Variants in CFAP77 observed in about 807,000 individuals in gnomAD.
CFAP77 encodes cilia- and flagella-associated protein 77.
Under a neutral mutation model 31.1 loss-of-function variants are expected in CFAP77, and 25 were observed. The ratio of observed to expected loss-of-function variants is 0.80; its 90% CI spans 0.59 to 1.12. The LOEUF is 1.12. Ranked by LOEUF, CFAP77 falls within the 50% of genes most tolerant of loss-of-function variation. The pLI is 0.00. For missense variants in CFAP77, 377 were observed against 397.3 expected, an observed-to-expected ratio of 0.95 and a Z score of 0.44; for synonymous variants, 151 against 159.9, an observed-to-expected ratio of 0.94 and a Z score of 0.42.
At chr9:132,475,419 G>T (rs1366870668) in intron 1 of CFAP77, among the ~76,000 whole-genome samples, 1 of 152,178 alleles carries the variant, frequency 6.6e-6, no homozygotes, top group African/African-American at 2.4e-5. Context: ...CTGCAGTTGG[G>T]AGCGTTACAG....
chr9:132,488,187 A>G (rs1016186526), intron 1 of CFAP77, among the ~76,000 whole-genome samples: 6 of 152,072 alleles, frequency 3.9e-5, no homozygotes, highest in Non-Finnish European at 7.4e-5. Flanking sequence ...GGAAGTGGGG[A>G]GTGATTGATT....
intron 3 of CFAP77, among the ~76,000 whole-genome samples, chr9:132,524,427 C>G (rs570640537): frequency 1.3e-5 from 2 of 151,462 alleles, no homozygotes; most frequent in Non-Finnish European, 2.9e-5. Context: ...TGGCGAAACC[C>G]TGTCTCTACT....
At chr9:132,567,290 G>C (rs576062162) in intron 5 of CFAP77, among the ~76,000 whole-genome samples, 19 of 152,330 alleles carry the variant, frequency 1.2e-4, no homozygotes, top group Admixed American at 3.9e-4. Flanking sequence ...GAAGTGCAAG[G>C]GGTGTGTGCT....
chr9:132,444,469 A>T (rs188441123), intron 1 of CFAP77, among the ~76,000 whole-genome samples: 98 of 152,314 alleles, frequency 6.4e-4, no homozygotes, highest in Non-Finnish European at 1.1e-3. Context: ...CAGCACATTC[A>T]TGCCATGGTT....
intron 1 of CFAP77, among the ~76,000 whole-genome samples, chr9:132,471,456 G>A (rs760954001): frequency 8.1e-5 from 12 of 149,004 alleles, no homozygotes; most frequent in Non-Finnish European, 1.5e-4. Flanking sequence ...CCCCCCCACC[G>A]TTGCCCACAC....
intron 1 of CFAP77, among the ~76,000 whole-genome samples, chr9:132,446,799 C>T (rs1850728806): frequency 1.3e-5 from 2 of 150,088 alleles, no homozygotes; most frequent in African/African-American, 2.5e-5. Context: ...GAGGGCTCTA[C>T]TGTGTGGGAA....
intron 1 of CFAP77, among the ~76,000 whole-genome samples, chr9:132,414,927 G>C (rs1406039588): frequency 1.3e-5 from 2 of 152,138 alleles, no homozygotes; most frequent in African/African-American, 4.8e-5. Flanking sequence ...AATAAATATT[G>C]ATGCTGGCGA....
chr9:132,551,082 C>T (rs897689862), intron 5 of CFAP77, among the ~76,000 whole-genome samples: 2 of 151,818 alleles, frequency 1.3e-5, no homozygotes, highest in Non-Finnish European at 2.9e-5. Flanking sequence ...CCCTCCTCTC[C>T]TCAAAGAAGT....
intron 1 of CFAP77, among the ~76,000 whole-genome samples, chr9:132,427,683 C>G (rs1393891468): frequency 6.6e-6 from 1 of 152,170 alleles, no homozygotes; most frequent in East Asian, 1.9e-4. Context: ...GGGCTGGTTC[C>G]TCCTGAGAGC....
At chr9:132,496,206 T>TA (rs61589827) in intron 1 of CFAP77, among the ~76,000 whole-genome samples, 3,384 of 152,036 alleles carry the variant, frequency 0.022, 108 homozygotes, top group African/African-American at 0.077. Flanking sequence ...TCTATTTTTT[T>TA]AAAAAAAACC....
chr9:132,499,234 A>G lies in CFAP77; in HGVS notation c.296-138A>G. ...TGGGCCATCATGCTTTCTGGGGGCC[A>G]GGCAGGGTTGTCACCCAGTAGGCTC... On this transcript the variant is annotated intron_variant, in intron 2 of 5. Coordinates refer to ENST00000393216, the MANE Select transcript of CFAP77 (RefSeq NM_001282957.2). The surrounding 1 kb of genome is among the most constrained non-coding windows in gnomAD (Gnocchi z 5.4). 1 of 722,886 alleles carries G rather than the reference A, an allele frequency of 1.4e-6. No homozygotes were observed. Among genetic ancestry groups the G allele is most frequent in the Non-Finnish European group, 2.3e-6 (1 of 442,290 alleles). 44.8% of individuals were successfully genotyped at this position (722,886 alleles called of 1,614,324 possible). A position where few individuals can be genotyped will look rare whatever the true frequency, so the allele number is the denominator to read the frequency against.
chr9:132,473,574 G>A (rs1299696577), intron 1 of CFAP77, among the ~76,000 whole-genome samples: 2 of 152,160 alleles, frequency 1.3e-5, no homozygotes, highest in African/African-American at 4.8e-5. Flanking sequence ...GTGGTTCCAG[G>A]CCAAACCAGA....
chr9:132,522,790 G>A lies in CFAP77; in HGVS notation c.525-14811G>A, dbSNP rs1039992782. ...GGGTGCTTTGTGGTGGAAAACAAAC[G>A]GCCTGGAGAGTTCTGATCTGATGTT... On this transcript the variant is annotated intron_variant, in intron 3 of 5. Coordinates refer to ENST00000393216, the MANE Select transcript of CFAP77 (RefSeq NM_001282957.2). Among the ~76,000 whole-genome samples, 14 of 152,298 alleles carry A rather than the reference G, an allele frequency of 9.2e-5. No homozygotes were observed. The South Asian group carries it at 1.9e-3, about 20-fold the overall frequency.
chr9:132,457,486 T>C (rs183680812), intron 1 of CFAP77, among the ~76,000 whole-genome samples: 5 of 152,364 alleles, frequency 3.3e-5, no homozygotes, highest in African/African-American at 1.2e-4. Flanking sequence ...TCTCCTCACT[T>C]TGATCTATTC....
intron 1 of CFAP77, among the ~76,000 whole-genome samples, chr9:132,422,149 C>T (rs796707223): frequency 3.3e-5 from 5 of 152,322 alleles, no homozygotes; most frequent in African/African-American, 1.2e-4. Flanking sequence ...TCTGGGATTA[C>T]AGGCTCACAC....
chr9:132,531,982 T>C (rs1852461321), intron 3 of CFAP77, among the ~76,000 whole-genome samples: 2 of 152,216 alleles, frequency 1.3e-5, no homozygotes, highest in Admixed American at 1.3e-4. Context: ...GAACGGTCTC[T>C]TGGGGTAGAT....
intron 1 of CFAP77, among the ~76,000 whole-genome samples, chr9:132,450,150 C>T (rs759336036): frequency 1.3e-5 from 2 of 151,762 alleles, no homozygotes; most frequent in South Asian, 2.1e-4. Flanking sequence ...CAGGATGGTC[C>T]TGATCTCCTG....
chr9:132,469,304 CT>C (rs1436905137), intron 1 of CFAP77, among the ~76,000 whole-genome samples: 4 of 152,184 alleles, frequency 2.6e-5, no homozygotes, highest in African/African-American at 9.7e-5. Flanking sequence ...CATTTCCCCC[CT>C]AATTTGTAGT....
At chr9:132,569,949 T>G (rs1564255839) in intron 5 of CFAP77, among the ~76,000 whole-genome samples, 1 of 152,116 alleles carries the variant, frequency 6.6e-6, no homozygotes, top group Non-Finnish European at 1.5e-5. Context: ...TTGGCCAGGC[T>G]GGTCTCAAAC....
Sources: allele counts gnomAD v4.1 joint callset (sites outside exome capture counted in the v4.1 genomes callset), GRCh38; gene constraint gnomAD v4.1.1; non-coding constraint Gnocchi (gnomAD v3.1); transcripts MANE v1.5; gene names NCBI Gene and HGNC (gene_info 2026-07-23, HGNC 2026-07-21).